Variants in ARF3 observed in about 807,000 individuals in gnomAD.
The protein encoded by ARF3 is ADP-ribosylation factor 3.
Under a neutral mutation model 19.3 loss-of-function variants are expected in ARF3, and 5 were observed. The ratio of observed to expected loss-of-function variants is 0.26; its 90% confidence interval spans 0.14 to 0.54. The LOEUF (loss-of-function observed/expected upper bound fraction) is 0.54. Among genes scored for constraint, ARF3 ranks in the 20% least tolerant of loss-of-function variants. The probability of loss-of-function intolerance (pLI) is 0.95; values close to 1 mark genes in which losing one functional copy is unlikely to be tolerated. For synonymous variants in ARF3, 71 were observed against 89.2 expected, an observed-to-expected ratio of 0.80 and a Z score of 1.15; for missense variants, 77 against 234.2, an observed-to-expected ratio of 0.33 and a Z score of 4.38.
intron 1 of ARF3, chr12:48,956,368 C>G (rs914502571): frequency 6.6e-6 from 1 of 152,412 alleles, no homozygotes; most frequent in African/African-American, 2.4e-5. Context: ...GATGGAGACC[C>G]GCCTTAATGC....
rs1423582318 is a variant in ARF3 at position 48,938,404 on chromosome 12, C to T, written c.*543G>A. 1 of 454,332 alleles carries T rather than the reference C, an allele frequency of 2.2e-6. No individual in the cohort carries two copies. The highest frequency in any genetic ancestry group is 4.4e-6 in the Non-Finnish European group (1 of 226,966). 28.1% of individuals were successfully genotyped at this position (454,332 alleles called of 1,614,324 possible). ...AGTGGGCAGTGTCCTGGCTGCAAGC[C>T]CTGAGCTTCACTCCACCCCCTCCCC... On this transcript the variant is annotated 3_prime_UTR_variant, in exon 5 of 5. Transcript: ENST00000256682.
At chr12:48,951,598 G>A (rs1207474704) in intron 1 of ARF3, among the ~76,000 whole-genome samples, 2 of 137,974 alleles carry the variant, frequency 1.4e-5, no homozygotes, top group Non-Finnish European at 3.1e-5. Flanking sequence ...ATAATAAATA[G>A]GCCGGGCGCG....
At chr12:48,944,832 G>A (rs904960091) in intron 1 of ARF3, among the ~76,000 whole-genome samples, 1 of 152,088 alleles carries the variant, frequency 6.6e-6, no homozygotes, top group Non-Finnish European at 1.5e-5. Context: ...ATATACAGTG[G>A]GACTGATGAA....
chr12:48,939,526 T>C lies in ARF3; in HGVS notation c.384+129A>G. 1 of 1,290,784 alleles carries C rather than the reference T, an allele frequency of 7.7e-7. No individual in the cohort carries two copies. The highest frequency in any genetic ancestry group is 1.4e-5 in the South Asian group (1 of 70,348). The allele number at this position is 1,290,784 out of a possible 1,614,324, so 80.0% of individuals were successfully genotyped here. A position where few individuals can be genotyped will look rare whatever the true frequency, so the allele number is the denominator to read the frequency against. ...AGAAGAGGGGCATAAAGAAGCCAAG[T>C]GCTCAGTTTCCCACGCTTCTAACAT... On this transcript the variant is annotated intron_variant, in intron 4 of 4. Coordinates refer to ENST00000256682, the MANE Select transcript of ARF3 (RefSeq NM_001659.3). This position sits in a 1 kb window ranked among gnomAD's most constrained non-coding sequence, Gnocchi z 4.8.
chr12:48,952,371 G>C (rs774692079), intron 1 of ARF3, among the ~76,000 whole-genome samples: 1 of 152,170 alleles, frequency 6.6e-6, no homozygotes, highest in African/African-American at 2.4e-5. Context: ...ACAGTGACAA[G>C]ATAAAAACTA....
chr12:48,952,929 C>T (rs906026604), intron 1 of ARF3, among the ~76,000 whole-genome samples: 1 of 152,218 alleles, frequency 6.6e-6, no homozygotes, highest in African/African-American at 2.4e-5. Context: ...CTGGGCAGGG[C>T]TTGGGGTGGC....
chr12:48,948,583 T>C (rs1592242529), intron 1 of ARF3, among the ~76,000 whole-genome samples: 1 of 151,854 alleles, frequency 6.6e-6, no homozygotes, highest in Non-Finnish European at 1.5e-5. Flanking sequence ...GAGGCCGAGG[T>C]GGGCGGATCA....
At chr12:48,941,289 C>T (rs958381421) in intron 1 of ARF3, 101 bp from the exon 2 acceptor site, 5 of 610,258 alleles carry the variant, frequency 8.2e-6, no homozygotes, top group Admixed American at 6.9e-5. Context: ...TCATGACAAA[C>T]GGAGAGCCTG....
rs750958513 is a variant in ARF3 at position 48,939,153 on chromosome 12, TA to T, written c.385-46del. 35 of 1,588,476 alleles carry T rather than the reference TA, an allele frequency of 2.2e-5. No individual in the cohort carries two copies. The African/African-American group carries it at 2.6e-4, about 12-fold the overall frequency. On this transcript the variant is annotated intron_variant, in intron 4 of 4. Transcript: ENST00000256682. The surrounding 1 kb of genome is among the most constrained non-coding windows in gnomAD (Gnocchi z 4.8). ...CATAAAAAGAAGCCTCAGGATTTTT[TA>T]AAGGCTTCTAGAACACCCATCTACC...
intron 1 of ARF3, chr12:48,955,952 G>A (rs914455458): frequency 1.3e-5 from 2 of 152,166 alleles, no homozygotes; most frequent in African/African-American, 4.8e-5. Flanking sequence ...AACTTTTACA[G>A]ACATGTTTTT....
At chr12:48,941,785 G>A (rs1021685700) in intron 1 of ARF3, among the ~76,000 whole-genome samples, 3 of 152,168 alleles carry the variant, frequency 2.0e-5, no homozygotes, top group Non-Finnish European at 4.4e-5. Flanking sequence ...AAAAGAAGCC[G>A]ATCCTTTACA....
At position 48,940,067 on chromosome 12, in the gene ARF3, A is replaced by G. The variant is rs202013853; in HGVS notation, c.189T>C (p.Phe63=). ...VETVEYKNIS[F]TVWDVGGQDK... ...CCTGGCCACCCACATCCCACACTGT[A>G]AAGCTGATGTTCTTATACTCCACTG... Residue 63 remains phenylalanine, a synonymous_variant, in exon 3 of 5, where the codon TTT becomes TTC. Coordinates refer to ENST00000256682, the MANE Select transcript of ARF3 (RefSeq NM_001659.3). The G allele has an allele frequency of 6.2e-7, 1 of 1,614,182 alleles. No individual in the cohort carries two copies. The highest frequency in any genetic ancestry group is 2.2e-5 in the East Asian group (1 of 44,882).
At chr12:48,954,664 C>T (rs887448204) in intron 1 of ARF3, among the ~76,000 whole-genome samples, 3 of 152,170 alleles carry the variant, frequency 2.0e-5, no homozygotes, top group Admixed American at 2.0e-4. Flanking sequence ...CTAATTTTGT[C>T]TGATTCCAAG....
rs570931054 is a variant in ARF3 at position 48,947,191 on chromosome 12, C to T, written c.-93-6003G>A. 3.3e-5 allele frequency among the ~76,000 whole-genome samples: 5 copies of T among 152,006 alleles called. No individual in the cohort carries two copies. The South Asian group carries it at 1.0e-3, about 32-fold the overall frequency. On this transcript the variant is annotated intron_variant, in intron 1 of 4. Transcript: ENST00000256682. Reference sequence around the variant, plus strand: ...ACTCCAAGTTTTTGTCTCAAGAGCACTGAAATCAGAACATAAGAACTCCTA... The same window carrying T: ...ACTCCAAGTTTTTGTCTCAAGAGCATTGAAATCAGAACATAAGAACTCCTA...
At chr12:48,955,512 T>G (rs749970541) in intron 1 of ARF3, among the ~76,000 whole-genome samples, 2 of 152,224 alleles carry the variant, frequency 1.3e-5, no homozygotes, top group Non-Finnish European at 2.9e-5. Context: ...TCTGTGCCTC[T>G]TAGGAAGGCA....
rs947776193 is a variant in ARF3 at position 48,936,533 on chromosome 12, G to C, written c.*2414C>G. ...ATGTAGAAAGGACCACCCCTGCCAA[G>C]GGCTTAGCAGCCAGGGATACTACCA... On this transcript the variant is annotated 3_prime_UTR_variant, in exon 5 of 5. Coordinates refer to ENST00000256682, the MANE Select transcript of ARF3 (RefSeq NM_001659.3). 6.6e-6 allele frequency: 1 copy of C among 152,670 alleles called. No individual in the cohort carries two copies. Among genetic ancestry groups the C allele is most frequent in the African/African-American group, 2.4e-5 (1 of 41,430 alleles). 9.5% of individuals were successfully genotyped at this position (152,670 alleles called of 1,614,324 possible).
chr12:48,950,973 G>C (rs1940457523), intron 1 of ARF3, among the ~76,000 whole-genome samples: 4 of 151,964 alleles, frequency 2.6e-5, no homozygotes, highest in Admixed American at 2.6e-4. Context: ...ATTTAGTAGA[G>C]ACAGGGTCTC....
At chr12:48,956,053 C>T (rs1395441921) in intron 1 of ARF3, 1 of 152,316 alleles carries the variant, frequency 6.6e-6, no homozygotes, top group Admixed American at 6.5e-5. Context: ...CCTACCCCAA[C>T]AACAAGCCCA....
chr12:48,951,082 C>A (rs1169542504), intron 1 of ARF3, among the ~76,000 whole-genome samples: 2 of 152,140 alleles, frequency 1.3e-5, no homozygotes, highest in African/African-American at 4.8e-5. Context: ...CCACTGCACC[C>A]GGCCTATGTC....
Sources: gnomAD v4.1 joint callset for allele counts (sites outside exome capture counted in the v4.1 genomes callset) on GRCh38, gnomAD v4.1.1 for gene constraint, Gnocchi (gnomAD v3.1) non-coding constraint, MANE v1.5 for transcripts, NCBI Gene and HGNC (gene_info 2026-07-23, HGNC 2026-07-21) for gene names.